Variants in GLDC observed in about 807,000 individuals in gnomAD.
The protein encoded by GLDC is glycine decarboxylase, also known as glycine dehydrogenase (decarboxylating), mitochondrial.
A neutral mutation model predicts 121.3 loss-of-function variants in GLDC; 104 were observed. The observed-to-expected ratio is 0.86, with a 90% CI of 0.73 to 1.01. The LOEUF (loss-of-function observed/expected upper bound fraction) is 1.01, where lower values mean the gene tolerates loss of function less well. Ranked by LOEUF, GLDC falls within the 50% of genes least tolerant of loss-of-function variation. The pLI is 0.00. For synonymous variants in GLDC, 546 were observed against 480.6 expected, an observed-to-expected ratio of 1.14 and a Z score of -1.78; for missense variants, 1,429 against 1,306.6, an observed-to-expected ratio of 1.09 and a Z score of -1.44.
chr9:6,543,657 C>T (rs1817321971), intron 21 of GLDC, among the ~76,000 whole-genome samples: 2 of 152,178 alleles, frequency 1.3e-5, no homozygotes, highest in Admixed American at 1.3e-4. Context: ...TCTATGTGAG[C>T]CCTGAAAGGG....
Position 6,588,459 on chromosome 9 carries a change from C to A in GLDC, c.1666-17G>T, listed in dbSNP as rs2129836514. The A allele has an allele frequency of 1.9e-6, 3 of 1,602,456 alleles. No individual in the cohort carries two copies. The highest frequency in any genetic ancestry group is 2.6e-6 in the Non-Finnish European group (3 of 1,169,378). Reference sequence around the variant, plus strand: ...GCAGGATCCCTTTAAGAAGAACATCCAAAATGTATCACATTAGTGATTTTC... The same window carrying A: ...GCAGGATCCCTTTAAGAAGAACATCAAAAATGTATCACATTAGTGATTTTC... On this transcript the variant is annotated splice_polypyrimidine_tract_variant and intron_variant, in intron 13 of 24. Transcript: ENST00000321612.
intron 2 of GLDC, chr9:6,639,668 A>ATTATATATATATAT: frequency 4.0e-6 from 1 of 248,646 alleles, no homozygotes; most frequent in Non-Finnish European, 6.4e-6. Context: ...ATAAAAAAAA[A>ATTATATATATATAT]GTATATATAT....
intron 21 of GLDC, among the ~76,000 whole-genome samples, chr9:6,546,252 G>A (rs952178396): frequency 6.6e-6 from 1 of 151,748 alleles, no homozygotes; most frequent in Non-Finnish European, 1.5e-5. Flanking sequence ...GAGTGCAGTG[G>A]CACCATTACA....
chr9:6,607,058 C>T (rs1302993746), intron 4 of GLDC, among the ~76,000 whole-genome samples: 1 of 151,592 alleles, frequency 6.6e-6, no homozygotes, highest in African/African-American at 2.4e-5. Context: ...ACGAGCAAAA[C>T]TCTGTCTCAA....
chr9:6,602,686 C>A (rs999818489), intron 7 of GLDC, among the ~76,000 whole-genome samples: 16 of 151,934 alleles, frequency 1.1e-4, no homozygotes, highest in African/African-American at 3.9e-4. Flanking sequence ...CTCTGAGACA[C>A]CAAGATATAT....
chr9:6,623,784 A>G (rs1819172353), intron 2 of GLDC, among the ~76,000 whole-genome samples: 1 of 152,248 alleles, frequency 6.6e-6, no homozygotes, highest in African/African-American at 2.4e-5. Context: ...CAATAAACCC[A>G]CATCTGAGAA....
intron 4 of GLDC, among the ~76,000 whole-genome samples, chr9:6,607,775 A>T (rs1359363099): frequency 6.6e-6 from 1 of 151,572 alleles, no homozygotes; most frequent in East Asian, 2.0e-4. Context: ...CCCCGCCCCT[A>T]CATAGTTGGG....
chr9:6,592,738 G>C (rs1818399049), intron 10 of GLDC, 113 bp downstream of exon 10: 3 of 953,394 alleles, frequency 3.1e-6, no homozygotes, highest in Non-Finnish European at 4.9e-6. Context: ...TGAAAAAATA[G>C]GACTGTGCCT....
intron 17 of GLDC, 144 bp downstream of exon 17, chr9:6,558,415 G>A (rs1321984631): frequency 2.2e-6 from 2 of 917,768 alleles, no homozygotes; most frequent in Admixed American, 1.7e-5. Flanking sequence ...GATGGGAGGG[G>A]TAGAGTAGAC....
At position 6,556,272 on chromosome 9, in the gene GLDC, T is replaced by G; in HGVS notation, c.2083A>C (p.Ile695Leu). 1 of 1,613,646 alleles carries G rather than the reference T, an allele frequency of 6.2e-7. No homozygotes were observed. The highest frequency in any genetic ancestry group is 8.5e-7 in the Non-Finnish European group (1 of 1,179,550). The change falls in exon 18 of 25, where the codon ATC becomes CTC. Residue 695 changes from isoleucine to leucine, a missense_variant. Ile to Leu is a conservative substitution (Grantham distance 5). Transcript: ENST00000321612. ...TTGGTGGATGGGTATGTAATCATGA[T>G]AGCTGCTAGGTTCTCCTTGTGCTTA... ...VDKHKENLAA[I>L]MITYPSTNGV...
chr9:6,579,643 G>A (rs548222935), intron 15 of GLDC, among the ~76,000 whole-genome samples: 8 of 152,210 alleles, frequency 5.3e-5, no homozygotes, highest in Admixed American at 2.0e-4. Context: ...GTGAGCCACC[G>A]TGCCCAGTCC....
chr9:6,638,259 G>T (rs1587984984), intron 2 of GLDC, among the ~76,000 whole-genome samples: 1 of 151,840 alleles, frequency 6.6e-6, no homozygotes, highest in Non-Finnish European at 1.5e-5. Context: ...GCCCAGGCTG[G>T]AGTGCAATGG....
Position 6,594,650 on chromosome 9 carries a change from G to A in GLDC, c.1261+364C>T, listed in dbSNP as rs182755458. Among the ~76,000 whole-genome samples the A allele has an allele frequency of 3.0e-3, 458 of 152,212 alleles. 4 individuals are homozygous for A. The highest frequency in any genetic ancestry group is 9.6e-3 in the African/African-American group (399 of 41,524). On this transcript the variant is annotated intron_variant, in intron 9 of 24. Coordinates refer to ENST00000321612, the MANE Select transcript of GLDC (RefSeq NM_000170.3). Reference sequence around the variant, plus strand: ...GTGGAGGTTACAGTGAGCTGAGATCGTGCCACTGCACTCCAGCCTGGGAGA... The same window carrying A: ...GTGGAGGTTACAGTGAGCTGAGATCATGCCACTGCACTCCAGCCTGGGAGA...
intron 15 of GLDC, among the ~76,000 whole-genome samples, chr9:6,577,807 C>A (rs906217242): frequency 6.0e-5 from 9 of 150,276 alleles, no homozygotes; most frequent in African/African-American, 2.0e-4. Flanking sequence ...CCCATCTCTA[C>A]GTTATTGATT....
chr9:6,571,840 G>C (rs1373697609), intron 15 of GLDC, among the ~76,000 whole-genome samples: 2 of 152,188 alleles, frequency 1.3e-5, no homozygotes, highest in Non-Finnish European at 2.9e-5. Context: ...TCAAGCCTAT[G>C]TACACAGAGA....
intron 3 of GLDC, among the ~76,000 whole-genome samples, 156 bp downstream of exon 3, chr9:6,620,028 C>T (rs561049933): frequency 1.3e-5 from 2 of 152,278 alleles, no homozygotes; most frequent in East Asian, 1.9e-4. Context: ...GAACATTTCT[C>T]GATCCAGAGA....
intron 2 of GLDC, among the ~76,000 whole-genome samples, chr9:6,629,730 G>C (rs896999135): frequency 6.6e-6 from 1 of 150,990 alleles, no homozygotes; most frequent in Admixed American, 6.6e-5. Flanking sequence ...TTTGCTTTTT[G>C]CTTCTTTGAC....
chr9:6,579,466 C>G (rs1818133690), intron 15 of GLDC, among the ~76,000 whole-genome samples: 1 of 152,112 alleles, frequency 6.6e-6, no homozygotes, highest in African/African-American at 2.4e-5. Context: ...CCTCCAAGTA[C>G]CTTTCCAAGT....
At chr9:6,629,271 A>T (rs1318495715) in intron 2 of GLDC, among the ~76,000 whole-genome samples, 5 of 150,476 alleles carry the variant, frequency 3.3e-5, no homozygotes, top group Admixed American at 6.6e-5. Flanking sequence ...TTGGAGTGCA[A>T]TGGTGCGATC....
Sources: gnomAD v4.1 joint callset for allele counts (sites outside exome capture counted in the v4.1 genomes callset) on GRCh38, gnomAD v4.1.1 for gene constraint, MANE v1.5 for transcripts, NCBI Gene and HGNC (gene_info 2026-07-23, HGNC 2026-07-21) for gene names.